MED15: variants seen among roughly 807,000 people sequenced by gnomAD.
MED15 encodes mediator of RNA polymerase II transcription subunit 15.
In MED15, 41 loss-of-function variants were observed where a neutral mutation model predicts 118.7. That is an observed-to-expected ratio of 0.35 (90% confidence interval 0.27 to 0.45). The LOEUF is 0.45. MED15 is among the 20% of genes least tolerant of loss of function. The pLI, the probability that MED15 is intolerant of heterozygous loss-of-function variation, is 1.00. For missense variants in MED15, 740 were observed against 1,025.5 expected, an observed-to-expected ratio of 0.72 and a Z score of 3.80; for synonymous variants, 436 against 413.9, an observed-to-expected ratio of 1.05 and a Z score of -0.65.
intron 17 of MED15, 53 bp from the exon 18 acceptor site, chr22:20,586,515 G>A: frequency 1.3e-6 from 2 of 1,591,830 alleles, no homozygotes; most frequent in Non-Finnish European, 1.7e-6. Context: ...GGGTGTGCCA[G>A]GAGCGAGCGC....
intron 5 of MED15, among the ~76,000 whole-genome samples, chr22:20,564,176 A>G (rs1409849837): frequency 6.6e-6 from 1 of 152,246 alleles, no homozygotes; most frequent in East Asian, 1.9e-4. Context: ...ACTGATTGCC[A>G]GAGTCTAGGC....
chr22:20,515,764 GAC>G (rs1227768213), intron 1 of MED15, among the ~76,000 whole-genome samples: 2 of 150,738 alleles, frequency 1.3e-5, no homozygotes, highest in African/African-American at 4.9e-5. Flanking sequence ...CCAGCCTGGC[GAC>G]AGAGTGAGAC....
chr22:20,544,336 C>T (rs2055437075), intron 2 of MED15, among the ~76,000 whole-genome samples: 1 of 152,156 alleles, frequency 6.6e-6, no homozygotes. Context: ...CCTGTGGCTG[C>T]TATAACACGT....
intron 8 of MED15, among the ~76,000 whole-genome samples, chr22:20,572,836 G>A (rs1330625400): frequency 6.6e-6 from 1 of 152,220 alleles, no homozygotes; most frequent in African/African-American, 2.4e-5. Context: ...GAGTTGGGAG[G>A]ATCGTGCAAG....
At chr22:20,540,715 A>G (rs778898069) in intron 2 of MED15, among the ~76,000 whole-genome samples, 4 of 152,192 alleles carry the variant, frequency 2.6e-5, no homozygotes, top group Non-Finnish European at 5.9e-5. Context: ...TATGATGCCA[A>G]AAAAGCACAA....
At chr22:20,554,744 G>A in intron 4 of MED15, 192 bp from the exon 5 acceptor site, 1 of 583,366 alleles carries the variant, frequency 1.7e-6, no homozygotes, top group Non-Finnish European at 3.0e-6. Flanking sequence ...GTCATGCAGT[G>A]ACCAACACAC....
At chr22:20,572,890 A>C (rs2056710447) in intron 8 of MED15, among the ~76,000 whole-genome samples, 2 of 151,874 alleles carry the variant, frequency 1.3e-5, no homozygotes, top group African/African-American at 4.8e-5. Context: ...ACAGCATTAC[A>C]CTCTAGCCTG....
intron 2 of MED15, among the ~76,000 whole-genome samples, chr22:20,547,306 A>T (rs1158172566): frequency 6.6e-6 from 1 of 152,136 alleles, no homozygotes; most frequent in Non-Finnish European, 1.5e-5. Context: ...TTTTCTCTAT[A>T]TGATTCTGCC....
chr22:20,520,823 G>A (rs566409783), intron 1 of MED15, among the ~76,000 whole-genome samples: 19 of 151,924 alleles, frequency 1.3e-4, no homozygotes, highest in Non-Finnish European at 1.3e-4. Context: ...CTGCAGTCTC[G>A]ACCTCCTGTG....
intron 1 of MED15, among the ~76,000 whole-genome samples, chr22:20,508,959 G>C (rs886631045): frequency 6.6e-6 from 1 of 152,216 alleles, no homozygotes; most frequent in African/African-American, 2.4e-5. Context: ...TGTGTATACT[G>C]CAGGGGTTTC....
intron 9 of MED15, among the ~76,000 whole-genome samples, chr22:20,578,241 A>G (rs2056881150): frequency 6.6e-6 from 1 of 152,182 alleles, no homozygotes; most frequent in Non-Finnish European, 1.5e-5. Flanking sequence ...TGTGTTTTTA[A>G]AGCAGGTTTG....
In MED15 at chr22:20,513,479, A is replaced by G. The variant is rs925016609; in HGVS notation, c.68+5733A>G. Among the ~76,000 whole-genome samples the G allele has an allele frequency of 4.6e-5, 7 of 152,058 alleles. No homozygotes were observed. In the East Asian group the frequency reaches 9.7e-4, roughly 21 times the overall value. On this transcript the variant is annotated intron_variant, in intron 1 of 17. Coordinates refer to ENST00000263205, the MANE Select transcript of MED15 (RefSeq NM_001003891.3). ...TTTTTAGTAGAGACGGGGTTTCACC[A>G]TCTTGGTCAGGCTGGTCTTGAACTC... is the stretch of plus-strand genomic sequence containing the variant.
At chr22:20,562,787 C>T (rs901860353) in intron 5 of MED15, among the ~76,000 whole-genome samples, 1 of 152,094 alleles carries the variant, frequency 6.6e-6, no homozygotes, top group Non-Finnish European at 1.5e-5. Flanking sequence ...CCTATAATCT[C>T]AACACTTTGT....
chr22:20,548,959 ATGTT>A (rs550217743), intron 2 of MED15, among the ~76,000 whole-genome samples: 8 of 151,958 alleles, frequency 5.3e-5, no homozygotes, highest in African/African-American at 7.3e-5. Context: ...CACCAGGGTA[ATGTT>A]TGTTTGTTTG....
At chr22:20,558,857 C>T (rs1314950483) in intron 5 of MED15, among the ~76,000 whole-genome samples, 1 of 152,104 alleles carries the variant, frequency 6.6e-6, no homozygotes, top group Non-Finnish European at 1.5e-5. Flanking sequence ...TAAGGTCAAG[C>T]AATCAGCATA....
chr22:20,579,680 G>C (rs1343731713), intron 9 of MED15, among the ~76,000 whole-genome samples: 1 of 152,138 alleles, frequency 6.6e-6, no homozygotes, highest in Non-Finnish European at 1.5e-5. Flanking sequence ...CTGCTGTGTG[G>C]GTCCCTTTCC....
chr22:20,569,233 G>A (rs1310655331), intron 8 of MED15, among the ~76,000 whole-genome samples: 1 of 152,206 alleles, frequency 6.6e-6, no homozygotes, highest in South Asian at 2.1e-4. Flanking sequence ...TGGCCTCCTA[G>A]TGTCCTGGGA....
chr22:20,559,494 A>G (rs887764843), intron 5 of MED15, among the ~76,000 whole-genome samples: 2 of 152,206 alleles, frequency 1.3e-5, no homozygotes, highest in African/African-American at 4.8e-5. Context: ...GAGAGAATGG[A>G]AGAAAACAAT....
At chr22:20,529,162 T>TC (rs113570705) in intron 1 of MED15, among the ~76,000 whole-genome samples, 13 of 152,186 alleles carry the variant, frequency 8.5e-5, no homozygotes, top group South Asian at 2.1e-4. Flanking sequence ...GGTTTTTTTT[T>TC]CTGTGGTTTT....
Sources: gnomAD v4.1 joint callset for allele counts (sites outside exome capture counted in the v4.1 genomes callset) on GRCh38, gnomAD v4.1.1 for gene constraint, MANE v1.5 for transcripts, NCBI Gene and HGNC (gene_info 2026-07-23, HGNC 2026-07-21) for gene names.